CDYL2: variants seen among roughly 807,000 people sequenced by gnomAD.
CDYL2 encodes the protein chromodomain Y-like protein 2.
CDYL2 carries 23 observed loss-of-function variants against 49.4 expected under a neutral mutation model. The observed-to-expected ratio is 0.47, with a 90% CI of 0.34 to 0.66. The LOEUF is 0.66. Among genes scored for constraint, CDYL2 ranks in the 30% least tolerant of loss-of-function variants. The pLI is 0.01. For missense variants in CDYL2, 678 were observed against 656.4 expected, an observed-to-expected ratio of 1.03 and a Z score of -0.36; for synonymous variants, 360 against 268.8, an observed-to-expected ratio of 1.34 and a Z score of -3.32.
chr16:80,767,665 A>T (rs534240577), intron 1 of CDYL2, among the ~76,000 whole-genome samples: 45 of 152,212 alleles, frequency 3.0e-4, no homozygotes, highest in Non-Finnish European at 6.0e-4. Context: ...GGAAGCGGCC[A>T]AGGCTATGCA....
chr16:80,688,030 G>A (rs780453171), intron 1 of CDYL2, among the ~76,000 whole-genome samples: 4 of 152,214 alleles, frequency 2.6e-5, no homozygotes, highest in Non-Finnish European at 4.4e-5. Flanking sequence ...ATGCATGGAA[G>A]GTGGCTATGC....
At chr16:80,680,292 A>C (rs1269932928) in intron 2 of CDYL2, among the ~76,000 whole-genome samples, 1 of 152,230 alleles carries the variant, frequency 6.6e-6, no homozygotes, top group African/African-American at 2.4e-5. Flanking sequence ...AACAGTCATC[A>C]AGATGCAAGG....
At chr16:80,661,127 A>G (rs953929905) in intron 2 of CDYL2, among the ~76,000 whole-genome samples, 2 of 152,170 alleles carry the variant, frequency 1.3e-5, no homozygotes, top group Admixed American at 6.5e-5. Flanking sequence ...TCCACCAAGA[A>G]CATTTCAAAC....
chr16:80,673,620 T>C (rs558561099), intron 2 of CDYL2, among the ~76,000 whole-genome samples: 1 of 152,352 alleles, frequency 6.6e-6, no homozygotes, highest in South Asian at 2.1e-4. Flanking sequence ...AGCAGGTTTC[T>C]TGCCCATTCA....
Position 80,759,102 on chromosome 16 carries a change from CTATATATATATATATATATATATATA to C in CDYL2, c.24+45022_24+45047del, listed in dbSNP as rs59240300. On this transcript the variant is annotated intron_variant, in intron 1 of 6. Coordinates refer to ENST00000570137, the MANE Select transcript of CDYL2 (RefSeq NM_152342.4). ...AAATGTAATATCTACAAACCATATA[CTATATATATATATATATATATATATA>C]TATATATATATGGTTTATATAAATA... Among the ~76,000 whole-genome samples the C allele has an allele frequency of 1.0e-3, 65 of 63,368 alleles. 1 individual carries two copies. Among genetic ancestry groups the C allele is most frequent in the African/African-American group, 4.2e-3 (55 of 12,992 alleles). The allele number at this position is 63,368 out of a possible 152,430, so 41.6% of individuals were successfully genotyped here.
intron 1 of CDYL2, among the ~76,000 whole-genome samples, chr16:80,801,205 T>C (rs1337174781): frequency 6.6e-6 from 1 of 152,182 alleles, no homozygotes; most frequent in Non-Finnish European, 1.5e-5. Context: ...TAAAATCACC[T>C]TCCTATAAGT....
chr16:80,632,604 G>C (rs970236519), intron 3 of CDYL2: 25 of 189,004 alleles, frequency 1.3e-4, no homozygotes, highest in African/African-American at 5.7e-4. Context: ...ACAATATGTA[G>C]TAACATATAT....
chr16:80,705,128 T>C (rs1904361716), intron 1 of CDYL2, among the ~76,000 whole-genome samples: 1 of 152,164 alleles, frequency 6.6e-6, no homozygotes, highest in Admixed American at 6.5e-5. Flanking sequence ...AGACACAGGG[T>C]CCAGATCCGA....
intron 2 of CDYL2, among the ~76,000 whole-genome samples, chr16:80,636,034 C>T (rs532785033): frequency 4.3e-4 from 66 of 152,284 alleles, no homozygotes; most frequent in Non-Finnish European, 8.5e-4. Flanking sequence ...AAATTGGACC[C>T]CTTTCTTATG....
chr16:80,697,482 G>T lies in CDYL2; in HGVS notation c.25-12353C>A, dbSNP rs555612135. Among the ~76,000 whole-genome samples, 18 of 152,200 alleles carry T rather than the reference G, an allele frequency of 1.2e-4. No homozygotes were observed. The South Asian group carries it at 1.2e-3, about 11-fold the overall frequency. ...CCAACATCACACTGAATCAGGAAAAGTTGGAAGCTTTTCCTCTAAGAACTG... is the reference window on the plus strand; with the variant it reads ...CCAACATCACACTGAATCAGGAAAATTTGGAAGCTTTTCCTCTAAGAACTG... On this transcript the variant is annotated intron_variant, in intron 1 of 6. Transcript: ENST00000570137.
intron 6 of CDYL2, 31 bp from the exon 7 acceptor site, chr16:80,604,577 G>A (rs766234773): frequency 1.4e-5 from 22 of 1,612,414 alleles, no homozygotes; most frequent in South Asian, 6.6e-5. Context: ...CTGATTAGCC[G>A]GGCACCAGGG....
At chr16:80,696,927 T>A (rs1904278929) in intron 1 of CDYL2, among the ~76,000 whole-genome samples, 2 of 151,742 alleles carry the variant, frequency 1.3e-5, no homozygotes, top group African/African-American at 2.4e-5. Flanking sequence ...AAGTCAGGAG[T>A]TCAAGGTTGC....
At chr16:80,702,839 C>T (rs1007041391) in intron 1 of CDYL2, among the ~76,000 whole-genome samples, 3 of 152,146 alleles carry the variant, frequency 2.0e-5, no homozygotes, top group Non-Finnish European at 4.4e-5. Context: ...GCACTGCACG[C>T]CAGAAATGTG....
chr16:80,767,661 G>A (rs770707740), intron 1 of CDYL2, among the ~76,000 whole-genome samples: 18 of 152,248 alleles, frequency 1.2e-4, no homozygotes, highest in Non-Finnish European at 2.1e-4. Context: ...AGGTGGAAGC[G>A]GCCAAGGCTA....
At chr16:80,628,220 G>T (rs1014433232) in intron 3 of CDYL2, 2 of 152,240 alleles carry the variant, frequency 1.3e-5, no homozygotes, top group African/African-American at 2.4e-5. Flanking sequence ...CCTTCTGTGT[G>T]ATTTAAACCC....
intron 2 of CDYL2, among the ~76,000 whole-genome samples, chr16:80,652,898 T>G (rs1442219660): frequency 6.6e-6 from 1 of 152,150 alleles, no homozygotes; most frequent in Non-Finnish European, 1.5e-5. Context: ...AAGGAAAGCC[T>G]GAGAAACTGT....
At chr16:80,676,436 C>G (rs1157361242) in intron 2 of CDYL2, among the ~76,000 whole-genome samples, 1 of 152,170 alleles carries the variant, frequency 6.6e-6, no homozygotes, top group Non-Finnish European at 1.5e-5. Context: ...AACACCCTTC[C>G]TGACCTCTCA....
At chr16:80,621,245 GC>G (rs1252943984) in intron 3 of CDYL2, among the ~76,000 whole-genome samples, 1 of 152,242 alleles carries the variant, frequency 6.6e-6, no homozygotes, top group Non-Finnish European at 1.5e-5. Context: ...GTAAATCTCT[GC>G]AAATCTTGTT....
chr16:80,803,994 G>C (rs1908015897), intron 1 of CDYL2, among the ~76,000 whole-genome samples, 156 bp downstream of exon 1: 2 of 130,106 alleles, frequency 1.5e-5, no homozygotes, highest in East Asian at 3.0e-4. Context: ...AGGCGCGCCC[G>C]GCCCCCGCCA....
Sources: allele counts gnomAD v4.1 joint callset (sites outside exome capture counted in the v4.1 genomes callset), GRCh38; gene constraint gnomAD v4.1.1; transcripts MANE v1.5; gene names NCBI Gene and HGNC (gene_info 2026-07-23, HGNC 2026-07-21).